AKAP6: variants seen among roughly 807,000 people sequenced by gnomAD.
The protein encoded by AKAP6 is A-kinase anchoring protein 6, also known as A-kinase anchor protein 6.
AKAP6 carries 58 observed loss-of-function variants against 188.5 expected under a neutral mutation model. The ratio of observed to expected loss-of-function variants is 0.31; its 90% confidence interval spans 0.25 to 0.38. The LOEUF (loss-of-function observed/expected upper bound fraction) is 0.38. Ranked by LOEUF, AKAP6 falls within the 10% of genes least tolerant of loss-of-function variation. AKAP6 has a pLI of 1.00. For synonymous variants in AKAP6, 989 were observed against 998.6 expected, an observed-to-expected ratio of 0.99 and a Z score of 0.18; for missense variants, 2,710 against 2,740.0, an observed-to-expected ratio of 0.99 and a Z score of 0.24.
At chr14:32,802,763 T>A (rs2033984102) in intron 12 of AKAP6, among the ~76,000 whole-genome samples, 1 of 152,188 alleles carries the variant, frequency 6.6e-6, no homozygotes, top group Admixed American at 6.5e-5. Flanking sequence ...AAGTAAGCCT[T>A]TAAGAGTATT....
chr14:32,692,230 T>A (rs148517012), intron 8 of AKAP6, among the ~76,000 whole-genome samples: 1 of 152,304 alleles, frequency 6.6e-6, no homozygotes, highest in East Asian at 1.9e-4. Context: ...CTTAAGTGAC[T>A]TTTGTTCGAA....
intron 2 of AKAP6, among the ~76,000 whole-genome samples, chr14:32,454,685 TTCCCTCCCTCCC>T (rs1254335216): frequency 2.1e-4 from 6 of 29,076 alleles, no homozygotes; most frequent in African/African-American, 3.6e-4. Context: ...CCTTCCCTCC[TTCCCTCCCTCCC>T]TCCCTCCCTC....
Position 32,433,533 on chromosome 14 carries a change from C to T in AKAP6, c.40C>T (p.Gln14Ter). The T allele has an allele frequency of 6.2e-7, 1 of 1,614,164 alleles. No homozygotes were observed. The highest frequency in any genetic ancestry group is 8.5e-7 in the Non-Finnish European group (1 of 1,180,020). The change falls in exon 2 of 14, where the codon CAG becomes TAG. Residue 14 changes from glutamine (Q) to a stop codon, truncating the protein, a stop_gained. Transcript: ENST00000280979. LOFTEE classifies it high-confidence loss of function. Reference protein sequence around the residue: ...MSVTLSPLRSQDLDPMATDAS... With the variant: ...MSVTLSPLRS ...CGTGACACTTTCCCCCCTGAGGTCA[C>T]AGGACCTGGATCCCATGGCTACTGA...
At chr14:32,453,253 C>G (rs148217088) in intron 2 of AKAP6, among the ~76,000 whole-genome samples, 2 of 152,144 alleles carry the variant, frequency 1.3e-5, no homozygotes, top group African/African-American at 2.4e-5. Context: ...GCAGAGGCCC[C>G]GAGAAGTTGA....
At chr14:32,674,358 A>C (rs997672483) in intron 7 of AKAP6, among the ~76,000 whole-genome samples, 1 of 152,176 alleles carries the variant, frequency 6.6e-6, no homozygotes, top group Non-Finnish European at 1.5e-5. Context: ...AAGAGATTAG[A>C]GGTCTAAGAA....
intron 1 of AKAP6, among the ~76,000 whole-genome samples, chr14:32,336,050 A>G (rs1886688361): frequency 6.6e-6 from 1 of 152,016 alleles, no homozygotes; most frequent in Admixed American, 6.6e-5. Context: ...ACTGTTTATA[A>G]TAATGAGATG....
At chr14:32,413,767 G>C (rs946745638) in intron 1 of AKAP6, among the ~76,000 whole-genome samples, 5 of 152,114 alleles carry the variant, frequency 3.3e-5, no homozygotes, top group Non-Finnish European at 5.9e-5. Flanking sequence ...TATCCTCCTT[G>C]TCACAGTTTG....
At chr14:32,342,263 T>A (rs1023298679) in intron 1 of AKAP6, among the ~76,000 whole-genome samples, 5 of 152,202 alleles carry the variant, frequency 3.3e-5, no homozygotes, top group African/African-American at 1.2e-4. Flanking sequence ...CACTTTTCAC[T>A]TAGCACACCT....
Position 32,400,563 on chromosome 14 carries a change from C to CAAA in AKAP6, c.-34-32883_-34-32881dup, listed in dbSNP as rs71432051. On this transcript the variant is annotated intron_variant, in intron 1 of 13. Transcript: ENST00000280979. Reference sequence around the variant, plus strand: ...TTCAAGATATTTAGTCCACTTTTAGCAAAAAAAAAAAAAAAAGACAGTAAG... The same window carrying CAAA: ...TTCAAGATATTTAGTCCACTTTTAGCAAAAAAAAAAAAAAAAAAAGACAGTAAG... Among the ~76,000 whole-genome samples, 13 of 73,984 alleles carry CAAA rather than the reference C, an allele frequency of 1.8e-4. 1 individual carries two copies. Among genetic ancestry groups the CAAA allele is most frequent in the Non-Finnish European group, 2.8e-4 (12 of 42,560 alleles). 48.5% of individuals were successfully genotyped at this position (73,984 alleles called of 152,430 possible).
intron 1 of AKAP6, among the ~76,000 whole-genome samples, chr14:32,404,938 G>A (rs909166476): frequency 1.3e-5 from 2 of 150,948 alleles, no homozygotes; most frequent in Non-Finnish European, 2.9e-5. Context: ...AGGGAGGGAG[G>A]GTGGAAGAGA....
At chr14:32,529,828 G>A (rs1882315718) in intron 2 of AKAP6, among the ~76,000 whole-genome samples, 1 of 151,716 alleles carries the variant, frequency 6.6e-6, no homozygotes, top group Non-Finnish European at 1.5e-5. Context: ...GTTTACTTGT[G>A]AGTTTTATTG....
At chr14:32,744,473 C>T (rs1028379978) in intron 11 of AKAP6, among the ~76,000 whole-genome samples, 2 of 152,046 alleles carry the variant, frequency 1.3e-5, no homozygotes, top group African/African-American at 4.8e-5. Flanking sequence ...CCCGCCACCA[C>T]ACCCAGCCAA....
At chr14:32,720,721 G>A (rs2030485537) in intron 9 of AKAP6, among the ~76,000 whole-genome samples, 1 of 152,156 alleles carries the variant, frequency 6.6e-6, no homozygotes, top group South Asian at 2.1e-4. Flanking sequence ...GCATGCACCT[G>A]TAGTCCCAGC....
rs1249753195 is a variant in AKAP6, at chr14:32,535,748, T to C, written c.519T>C (p.Asn173=). ...TTCTGCAAGGTCTGCAGGACGCCAA[T>C]GGCAACTACACTAGGCAGACGGACA... ...ERILQGLQDA[N]GNYTRQTDIL... The change falls in exon 3 of 14, where the codon AAT becomes AAC. Residue 173 remains asparagine (N), a synonymous_variant. Transcript: ENST00000280979. 4.3e-6 allele frequency: 7 copies of C among 1,614,220 alleles called. No individual in the cohort carries two copies. The highest frequency in any genetic ancestry group is 8.5e-7 in the Non-Finnish European group (1 of 1,180,010).
intron 1 of AKAP6, among the ~76,000 whole-genome samples, chr14:32,374,947 A>T (rs1341648138): frequency 2.0e-5 from 3 of 152,346 alleles, no homozygotes; most frequent in Middle Eastern, 3.4e-3. Flanking sequence ...AGGTTTTAAG[A>T]TATGAAAATA....
intron 7 of AKAP6, among the ~76,000 whole-genome samples, chr14:32,629,150 C>T (rs553035930): frequency 5.9e-5 from 9 of 152,014 alleles, no homozygotes; most frequent in Non-Finnish European, 8.8e-5. Context: ...TAAACAAAAT[C>T]GTCCATACCT....
At chr14:32,477,889 G>A (rs1055980373) in intron 2 of AKAP6, among the ~76,000 whole-genome samples, 23 of 152,100 alleles carry the variant, frequency 1.5e-4, no homozygotes, top group Admixed American at 1.2e-3. Context: ...CATGATAATA[G>A]CATCTACCTC....
Position 32,678,755 on chromosome 14 carries a change from T to C in AKAP6, c.2879+296T>C, listed in dbSNP as rs374468589. Among the ~76,000 whole-genome samples, 12 of 152,346 alleles carry C rather than the reference T, an allele frequency of 7.9e-5. No individual in the cohort carries two copies. The East Asian group carries it at 1.5e-3, about 20-fold the overall frequency. ...GCCTTTAGTATTGATCTGTCTTCTTTATAAATTTTTTCCTTGTATTTGCTC... is the reference window on the plus strand; with the variant it reads ...GCCTTTAGTATTGATCTGTCTTCTTCATAAATTTTTTCCTTGTATTTGCTC... On this transcript the variant is annotated intron_variant, in intron 8 of 13. Coordinates refer to ENST00000280979, the MANE Select transcript of AKAP6 (RefSeq NM_004274.5).
chr14:32,758,156 G>C (rs2139934462), intron 11 of AKAP6, among the ~76,000 whole-genome samples: 1 of 152,204 alleles, frequency 6.6e-6, no homozygotes, highest in African/African-American at 2.4e-5. Flanking sequence ...TTAGAAGATG[G>C]TAGAATATCC....
Sources: allele counts gnomAD v4.1 joint callset (sites outside exome capture counted in the v4.1 genomes callset), GRCh38; gene constraint gnomAD v4.1.1; transcripts MANE v1.5; gene names NCBI Gene and HGNC (gene_info 2026-07-23, HGNC 2026-07-21).